Variants in CAMTA1 observed in about 807,000 individuals in gnomAD.
The protein encoded by CAMTA1 is calmodulin binding transcription activator 1.
In CAMTA1, 27 loss-of-function variants were observed where a neutral mutation model predicts 170.9. The observed-to-expected ratio is 0.16, with a 90% CI of 0.12 to 0.22. The LOEUF (loss-of-function observed/expected upper bound fraction) is 0.22, where lower values mean the gene tolerates loss of function less well. Ranked by LOEUF, CAMTA1 falls within the 10% of genes least tolerant of loss-of-function variation. The pLI is 1.00. For synonymous variants in CAMTA1, 833 were observed against 891.5 expected, an observed-to-expected ratio of 0.93 and a Z score of 1.17; for missense variants, 1,619 against 2,217.2, an observed-to-expected ratio of 0.73 and a Z score of 5.42.
chr1:7,459,895 A>G (rs895154245), intron 5 of CAMTA1, among the ~76,000 whole-genome samples: 6 of 152,224 alleles, frequency 3.9e-5, no homozygotes, highest in Non-Finnish European at 5.9e-5. Flanking sequence ...TGGGATGGTG[A>G]GCGGGTCAGA....
At chr1:7,533,500 G>T (rs970470583) in intron 6 of CAMTA1, among the ~76,000 whole-genome samples, 4 of 152,218 alleles carry the variant, frequency 2.6e-5, no homozygotes, top group African/African-American at 9.7e-5. Context: ...GTAGAGGTGG[G>T]GTGTCCCTGC....
chr1:7,326,060 C>T (rs773438126), intron 5 of CAMTA1, among the ~76,000 whole-genome samples: 8 of 152,022 alleles, frequency 5.3e-5, no homozygotes, highest in South Asian at 2.1e-4. Context: ...TGTTTCATCA[C>T]GTTGGCCAGA....
chr1:7,393,390 C>T (rs1557643956), intron 5 of CAMTA1, among the ~76,000 whole-genome samples: 1 of 152,070 alleles, frequency 6.6e-6, no homozygotes, highest in African/African-American at 2.4e-5. Context: ...CTCAGCCTTT[C>T]GAGTAGCTGA....
intron 11 of CAMTA1, among the ~76,000 whole-genome samples, chr1:7,712,404 C>T (rs1039877433): frequency 2.6e-5 from 4 of 152,014 alleles, no homozygotes; most frequent in Admixed American, 2.0e-4. Flanking sequence ...CACTGCAACT[C>T]CCACTGCCCA....
chr1:7,215,432 C>T lies in CAMTA1; in HGVS notation c.303-34059C>T, dbSNP rs779261299. Among the ~76,000 whole-genome samples, 24 of 152,346 alleles carry T rather than the reference C, an allele frequency of 1.6e-4. 1 individual carries two copies. Among genetic ancestry groups the T allele is most frequent in the South Asian group, 6.2e-4 (3 of 4,822 alleles). On this transcript the variant is annotated intron_variant, in intron 4 of 22. Transcript: ENST00000303635. ...TTTCTGAGATGGAGTCTCACTCTGT[C>T]GCCCAGGCTGGAGCGCAGTGGCGCG...
At chr1:7,012,513 C>T (rs571781904) in intron 3 of CAMTA1, among the ~76,000 whole-genome samples, 2 of 152,266 alleles carry the variant, frequency 1.3e-5, no homozygotes, top group South Asian at 4.1e-4. Flanking sequence ...TAGACCTCTC[C>T]CTCCTCCAAG....
rs1014189172 is a variant in CAMTA1 at position 6,965,183 on chromosome 1, G to C, written c.235-126121G>C. On this transcript the variant is annotated intron_variant, in intron 3 of 22. Transcript: ENST00000303635. This position sits in a 1 kb window ranked among gnomAD's most constrained non-coding sequence, Gnocchi z 4.1. ...CACTTCGGGAAAAGTAGTGAGTGTG[G>C]TATGAGCATGAGTGTGTGTGTATGA... Among the ~76,000 whole-genome samples the C allele has an allele frequency of 6.6e-6, 1 of 152,164 alleles. No homozygotes were observed. Among genetic ancestry groups the C allele is most frequent in the Admixed American group, 6.5e-5 (1 of 15,282 alleles).
intron 6 of CAMTA1, among the ~76,000 whole-genome samples, chr1:7,497,187 C>G (rs976228115): frequency 2.0e-5 from 3 of 152,164 alleles, no homozygotes; most frequent in African/African-American, 7.2e-5. Flanking sequence ...CGTCTCACAC[C>G]TCCCCTGGAG....
At chr1:7,270,244 TACACACACACAC>T (rs57280188) in intron 5 of CAMTA1, among the ~76,000 whole-genome samples, 56,408 of 126,716 alleles carry the variant, frequency 0.45, 12,440 homozygotes, top group Middle Eastern at 0.51. Flanking sequence ...CATATATACA[TACACACACACAC>T]ACACACACAC....
At chr1:7,193,330 C>T (rs1357440397) in intron 4 of CAMTA1, among the ~76,000 whole-genome samples, 7 of 149,440 alleles carry the variant, frequency 4.7e-5, no homozygotes, top group South Asian at 2.1e-4. Context: ...CCAGCCTGGG[C>T]GACAGAGTGA....
rs1160698290 is a variant in CAMTA1, at chr1:7,570,134, A to C, written c.511-70266A>C. On this transcript the variant is annotated intron_variant, in intron 6 of 22. Coordinates refer to ENST00000303635, the MANE Select transcript of CAMTA1 (RefSeq NM_015215.4). The surrounding 1 kb of genome is among the most constrained non-coding windows in gnomAD (Gnocchi z 4.3). ...CTACCGAGACCTTGGGTGGGAGATC[A>C]GGGATCCCTTGCTGGGCACTGGGGG... 6.6e-6 allele frequency among the ~76,000 whole-genome samples: 1 copy of C among 151,420 alleles called. No homozygotes were observed. The highest frequency in any genetic ancestry group is 2.4e-5 in the African/African-American group (1 of 41,142).
chr1:6,858,489 G>A (rs1043513592), intron 3 of CAMTA1, among the ~76,000 whole-genome samples: 6 of 146,538 alleles, frequency 4.1e-5, no homozygotes, highest in African/African-American at 1.5e-4. Flanking sequence ...TGTGTGTTGG[G>A]GGGGGGGTGT....
At chr1:6,834,349 A>G in intron 3 of CAMTA1, 1 of 198,874 alleles carries the variant, frequency 5.0e-6, no homozygotes, top group Admixed American at 4.7e-5. Context: ...AAAGTGCTCC[A>G]ACAGCTGCCC....
In CAMTA1 at chr1:7,226,927, G is replaced by C. The variant is rs531012646; in HGVS notation, c.303-22564G>C. On this transcript the variant is annotated intron_variant, in intron 4 of 22. Coordinates refer to ENST00000303635, the MANE Select transcript of CAMTA1 (RefSeq NM_015215.4). ...GGCTCACTGCAAGCTCCGCCTCCTGGGTTGACGCCATTCTCCTGCCTTAGC... is the reference window on the plus strand; with the variant it reads ...GGCTCACTGCAAGCTCCGCCTCCTGCGTTGACGCCATTCTCCTGCCTTAGC... 3.0e-3 allele frequency among the ~76,000 whole-genome samples: 462 copies of C among 152,212 alleles called. 1 individual carries two copies. The highest frequency in any genetic ancestry group is 0.011 in the African/African-American group (441 of 41,542).
intron 6 of CAMTA1, among the ~76,000 whole-genome samples, chr1:7,615,909 A>G (rs1558007340): frequency 1.3e-5 from 2 of 152,252 alleles, no homozygotes; most frequent in East Asian, 3.8e-4. Flanking sequence ...CAGGCCTGCC[A>G]TTCACATCCA....
At position 7,529,440 on chromosome 1, in the gene CAMTA1, G is replaced by A. The variant is rs546066018; in HGVS notation, c.510+61539G>A. ...GCACTGACCCCGTGCGACAGTACCCGCTCGCTGAGCCCCCACAGAACCCTT... is the reference window on the plus strand; with the variant it reads ...GCACTGACCCCGTGCGACAGTACCCACTCGCTGAGCCCCCACAGAACCCTT... On this transcript the variant is annotated intron_variant, in intron 6 of 22. Transcript: ENST00000303635. Among the ~76,000 whole-genome samples, 87 of 152,256 alleles carry A rather than the reference G, an allele frequency of 5.7e-4. 1 individual carries two copies. The highest frequency in any genetic ancestry group is 1.8e-3 in the African/African-American group (75 of 41,550).
intron 3 of CAMTA1, among the ~76,000 whole-genome samples, chr1:6,893,849 A>G (rs1351092848): frequency 2.0e-5 from 3 of 152,214 alleles, no homozygotes; most frequent in African/African-American, 4.8e-5. Context: ...TTGGTTGTAT[A>G]ATTAACATAA....
In CAMTA1 at chr1:7,732,337, G is replaced by C; in HGVS notation, c.2915-111G>C. ...TGGCTGGCGGAGACCTCTCTGGTTT[G>C]GTGAAGTTACGGACGGCATTTGGAT... is the stretch of plus-strand genomic sequence containing the variant. On this transcript the variant is annotated intron_variant, in intron 11 of 22. Transcript: ENST00000303635. This position sits in a 1 kb window ranked among gnomAD's most constrained non-coding sequence, Gnocchi z 4.1. 3 of 861,036 alleles carry C rather than the reference G, an allele frequency of 3.5e-6. No individual in the cohort carries two copies. In the South Asian group the frequency reaches 4.6e-5, roughly 13 times the overall value. 53.3% of individuals were successfully genotyped at this position (861,036 alleles called of 1,614,324 possible). A position where few individuals can be genotyped will look rare whatever the true frequency, so the allele number is the denominator to read the frequency against.
At chr1:7,557,965 A>G (rs2094902093) in intron 6 of CAMTA1, among the ~76,000 whole-genome samples, 1 of 152,044 alleles carries the variant, frequency 6.6e-6, no homozygotes, top group South Asian at 2.1e-4. Context: ...GAGCATCTTT[A>G]CCTCGCGGTG....
Sources: gnomAD v4.1 joint callset for allele counts (sites outside exome capture counted in the v4.1 genomes callset) on GRCh38, gnomAD v4.1.1 for gene constraint, Gnocchi (gnomAD v3.1) non-coding constraint, MANE v1.5 for transcripts, NCBI Gene and HGNC (gene_info 2026-07-23, HGNC 2026-07-21) for gene names.